The following AGBL5 variants were observed in gnomAD, a reference collection of about 807,000 sequenced individuals.
AGBL5 encodes AGBL carboxypeptidase 5.
AGBL5 carries 51 observed loss-of-function variants against 88.0 expected under a neutral mutation model. The observed-to-expected ratio is 0.58, with a 90% confidence interval of 0.46 to 0.73. AGBL5 has a LOEUF of 0.73. Among genes scored for constraint, AGBL5 ranks in the 30% least tolerant of loss-of-function variants. The pLI, the probability that AGBL5 is intolerant of heterozygous loss-of-function variation, is 0.00. For missense variants in AGBL5, 1,031 were observed against 1,162.2 expected (o/e 0.89, Z 1.64); for synonymous variants, 446 against 438.8 (o/e 1.02, Z -0.21).
At chr2:27,056,576 T>G in intron 7 of AGBL5, 47 bp from the exon 8 acceptor site, 1 of 1,531,508 alleles carries the variant, frequency 6.5e-7, no homozygotes, top group Non-Finnish European at 8.9e-7. Flanking sequence ...CCTTGCACCT[T>G]GTCCCTTCTG....
At position 27,057,142 on chromosome 2, in the gene AGBL5, C is replaced by CAGTA. The variant is rs370699569; in HGVS notation, c.1536-160_1536-157dup. The CAGTA allele has an allele frequency of 1.8e-3, 1,331 of 738,912 alleles. 17 individuals carry two copies. In the African/African-American group the frequency reaches 0.022, roughly 12 times the overall value. The allele number at this position is 738,912 out of a possible 1,614,324, so 45.8% of individuals were successfully genotyped here. A position where few individuals can be genotyped will look rare whatever the true frequency, so the allele number is the denominator to read the frequency against. ...GGGGGGACTCTCTGGGTATATGGTA[C>CAGTA]AGTACCAAGGTCAGCTGCTAGTTGC... On this transcript the variant is annotated intron_variant, in intron 8 of 14. Transcript: ENST00000360131.
chr2:27,057,029 G>C, intron 8 of AGBL5: 1 of 561,986 alleles, frequency 1.8e-6, no homozygotes, highest in Non-Finnish European at 3.0e-6. Context: ...CCCAGTTCAG[G>C]GTGTTTGAGA....
At chr2:27,050,946 T>G (rs11889781), upstream of AGBL5, 10 of 152,360 alleles carry the variant, frequency 6.6e-5, no homozygotes, top group South Asian at 2.1e-3. Flanking sequence ...TCCTGTGACT[T>G]AGCATTCGTA....
chr2:27,058,073 G>A (rs533359446), intron 9 of AGBL5, among the ~76,000 whole-genome samples: 70 of 150,286 alleles, frequency 4.7e-4, no homozygotes, highest in African/African-American at 1.3e-3. Flanking sequence ...TCAAGATGCC[G>A]TCTCAAAAAA....
chr2:27,065,320 C>A (rs538804867), intron 11 of AGBL5, among the ~76,000 whole-genome samples: 1 of 152,324 alleles, frequency 6.6e-6, no homozygotes, highest in South Asian at 2.1e-4. Flanking sequence ...CATCCATTTA[C>A]CATCTGTCCC....
Position 27,055,266 on chromosome 2 carries a change from CCCAGCCTGTCTGG to C in AGBL5, c.908+14_908+26del. On this transcript the variant is annotated intron_variant, in intron 6 of 14. Transcript: ENST00000360131. ...GGGGACACTACCGGTAAGTGGCTTC[CCCAGCCTGTCTGG>C]ACTGTTCCCATTTCCCCTCATGCCC... 1 of 1,613,338 alleles carries C rather than the reference CCCAGCCTGTCTGG, an allele frequency of 6.2e-7. No individual in the cohort carries two copies. The highest frequency in any genetic ancestry group is 2.2e-5 in the East Asian group (1 of 44,878).
Position 27,056,097 on chromosome 2 carries a change from T to C in AGBL5, c.1324T>C (p.Cys442Arg), listed in dbSNP as rs772266754. The C allele has an allele frequency of 6.2e-7, 1 of 1,613,910 alleles. No individual in the cohort carries two copies. Among genetic ancestry groups the C allele is most frequent in the Non-Finnish European group, 8.5e-7 (1 of 1,179,780 alleles). Reference sequence around the variant, plus strand: ...GCATGGACATGCTTCCAAAAGGGGCTGCTTCATGTACGGAAACAGCTTTAG... The same window carrying C: ...GCATGGACATGCTTCCAAAAGGGGCCGCTTCATGTACGGAAACAGCTTTAG... ...DLHGHASKRG[C>R]FMYGNSFSDE... Residue 442 changes from cysteine (C) to arginine (R), a missense_variant, in exon 7 of 15, where the codon TGC (cysteine) becomes CGC (arginine). Cys to Arg is a radical substitution (Grantham distance 180). This residue lies in a region of AGBL5 where 540 missense variants were observed against 678.2 expected (regional missense o/e 0.80). Transcript: ENST00000360131.
intron 11 of AGBL5, 41 bp downstream of exon 11, chr2:27,059,445 T>A: frequency 6.2e-7 from 1 of 1,610,710 alleles, no homozygotes; most frequent in Non-Finnish European, 8.5e-7. Context: ...TGTTCGGTTG[T>A]CTGGGGCATT....
chr2:27,070,276 G>A lies in AGBL5; in HGVS notation c.*13G>A, dbSNP rs1291392600. Reference sequence around the variant, plus strand: ...TCCCCGGGTCTGATAATGCCTTTATGTTCAAGCCCAGGATATAGCCCCAAG... The same window carrying A: ...TCCCCGGGTCTGATAATGCCTTTATATTCAAGCCCAGGATATAGCCCCAAG... On this transcript the variant is annotated 3_prime_UTR_variant, in exon 15 of 15. Coordinates refer to ENST00000360131, the MANE Select transcript of AGBL5 (RefSeq NM_021831.6). 1 of 1,613,402 alleles carries A rather than the reference G, an allele frequency of 6.2e-7. No homozygotes were observed. Among genetic ancestry groups the A allele is most frequent in the African/African-American group, 1.3e-5 (1 of 74,898 alleles).
Position 27,056,603 on chromosome 2 carries a change from G to T in AGBL5, c.1366-20G>T. 1 of 1,581,072 alleles carries T rather than the reference G, an allele frequency of 6.3e-7. No homozygotes were observed. The highest frequency in any genetic ancestry group is 1.1e-5 in the South Asian group (1 of 87,536). On this transcript the variant is annotated intron_variant, in intron 7 of 14. Coordinates refer to ENST00000360131, the MANE Select transcript of AGBL5 (RefSeq NM_021831.6). ...TCCCTTCTGTCTCTCCTTCTGAGTT[G>T]ACTTTTCTTCCCCAAACAGGTGGAA...
At chr2:27,057,482 G>C in intron 9 of AGBL5, 44 bp downstream of exon 9, 1 of 1,549,004 alleles carries the variant, frequency 6.5e-7, no homozygotes, top group Non-Finnish European at 8.8e-7. Flanking sequence ...AAACCTTACA[G>C]TCTGGAAAGG....
At chr2:27,067,156 G>T (rs1669027370) in intron 11 of AGBL5, among the ~76,000 whole-genome samples, 1 of 151,810 alleles carries the variant, frequency 6.6e-6, no homozygotes, top group Non-Finnish European at 1.5e-5. Context: ...AGGAGGCTAG[G>T]TGGGAGGATC....
At chr2:27,050,698 T>C (rs1379574256), upstream of AGBL5, among the ~76,000 whole-genome samples, 1 of 152,224 alleles carries the variant, frequency 6.6e-6, no homozygotes, top group African/African-American at 2.4e-5. Flanking sequence ...GCAGGTTCCT[T>C]CAGCTGGAGA....
rs758183312 is a variant in AGBL5 at position 27,053,613 on chromosome 2, A to G, written c.387+40A>G. 2.5e-6 allele frequency: 4 copies of G among 1,582,694 alleles called. No individual in the cohort carries two copies. The highest frequency in any genetic ancestry group is 4.5e-5 in the East Asian group (2 of 44,554). ...AGGAGGAAAGAAAGACTTGGGTGCT[A>G]AAAGTAGAGAGGAAAGTAAAGCGTT... is the stretch of plus-strand genomic sequence containing the variant. On this transcript the variant is annotated intron_variant, in intron 3 of 14. Coordinates refer to ENST00000360131, the MANE Select transcript of AGBL5 (RefSeq NM_021831.6). The surrounding 1 kb of genome is among the most constrained non-coding windows in gnomAD (Gnocchi z 4.9).
At position 27,070,233 on chromosome 2, in the gene AGBL5, T is replaced by A. The variant is rs1669219766; in HGVS notation, c.2631T>A (p.Ser877=). Residue 877 remains serine, a synonymous_variant, in exon 15 of 15, where the codon TCT becomes TCA. Transcript: ENST00000360131. ...GQPEVCFVPK[S]PPLTVSPRV is the part of the protein sequence containing the mutation. The stretch of plus-strand genomic sequence containing the variant: ...CTGAGGTTTGTTTTGTCCCTAAATC[T>A]CCCCCACTGACTGTTTCTCCCCGGG... 6.2e-7 allele frequency: 1 copy of A among 1,614,054 alleles called. No homozygotes were observed. The highest frequency in any genetic ancestry group is 1.3e-5 in the African/African-American group (1 of 74,910).
chr2:27,064,525 C>T (rs1007244661), intron 11 of AGBL5, among the ~76,000 whole-genome samples: 15 of 151,784 alleles, frequency 9.9e-5, no homozygotes, highest in Admixed American at 6.6e-5. Flanking sequence ...TAGTCTCAAG[C>T]TCCCGGACTC....
At chr2:27,056,554 T>G (rs934597019) in intron 7 of AGBL5, 69 bp from the exon 8 acceptor site, 87 of 1,403,004 alleles carry the variant, frequency 6.2e-5, no homozygotes, top group Non-Finnish European at 8.1e-5. Flanking sequence ...GGTCACATAC[T>G]TGCTATCTCT....
At chr2:27,050,834 A>G (rs1039176747), upstream of AGBL5, among the ~76,000 whole-genome samples, 38 of 152,262 alleles carry the variant, frequency 2.5e-4, 1 homozygote, top group Admixed American at 1.2e-3. Context: ...AGGGCGTGGC[A>G]ATCCTTAGGT....
chr2:27,057,100 GTCTAGGAC>G, intron 8 of AGBL5, 195 bp from the exon 9 acceptor site: 1 of 595,804 alleles, frequency 1.7e-6, no homozygotes, highest in Admixed American at 3.4e-5. Flanking sequence ...ATTGTCTTTA[GTCTAGGAC>G]TCTACCTTGG....
Sources: gnomAD v4.1 joint callset for allele counts (sites outside exome capture counted in the v4.1 genomes callset) on GRCh38, gnomAD v4.1.1 for gene constraint, gnomAD v4.1.1 regional missense constraint, Gnocchi (gnomAD v3.1) non-coding constraint, MANE v1.5 for transcripts, NCBI Gene and HGNC (gene_info 2026-07-23, HGNC 2026-07-21) for gene names.